PTPRD: variants seen among roughly 807,000 people sequenced by gnomAD.
PTPRD encodes the protein receptor-type tyrosine-protein phosphatase delta.
PTPRD carries 34 observed loss-of-function variants against 214.5 expected under a neutral mutation model. That is an observed-to-expected ratio of 0.16 (90% CI 0.12 to 0.21). The LOEUF (loss-of-function observed/expected upper bound fraction) is 0.21. PTPRD is among the 10% of genes least tolerant of loss of function. PTPRD has a pLI of 1.00. For synonymous variants in PTPRD, 1,128 were observed against 845.7 expected, an observed-to-expected ratio of 1.33 and a Z score of -5.79; for missense variants, 2,545 against 2,398.7, an observed-to-expected ratio of 1.06 and a Z score of -1.27.
chr9:8,853,239 ACAT>A (rs1429674866), intron 11 of PTPRD, among the ~76,000 whole-genome samples: 1 of 152,196 alleles, frequency 6.6e-6, no homozygotes, highest in African/African-American at 2.4e-5. Context: ...GACTGCTGTA[ACAT>A]ATAAGCATTT....
At chr9:9,782,243 A>T (rs1203282946) in intron 5 of PTPRD, among the ~76,000 whole-genome samples, 2 of 151,436 alleles carry the variant, frequency 1.3e-5, no homozygotes, top group Non-Finnish European at 2.9e-5. Context: ...CTCAGTAAAC[A>T]CTCCCTGGAT....
intron 8 of PTPRD, among the ~76,000 whole-genome samples, chr9:9,476,126 G>C (rs10977804): frequency 0.14 from 20,629 of 152,152 alleles, 1,429 homozygotes; most frequent in Middle Eastern, 0.25. Flanking sequence ...AACAGGCGTA[G>C]TGATATGTCT....
At chr9:8,726,038 C>CACACAA (rs973928554) in intron 12 of PTPRD, among the ~76,000 whole-genome samples, 5 of 147,528 alleles carry the variant, frequency 3.4e-5, no homozygotes, top group African/African-American at 1.3e-4. Flanking sequence ...CACACACACA[C>CACACAA]ACACACACAC....
intron 3 of PTPRD, among the ~76,000 whole-genome samples, chr9:10,327,089 C>A (rs1004868763): frequency 4.7e-5 from 7 of 150,468 alleles, no homozygotes; most frequent in Non-Finnish European, 8.9e-5. Context: ...AGACATTAAA[C>A]ATGCACATAT....
At chr9:10,486,135 C>G (rs558996791) in intron 2 of PTPRD, among the ~76,000 whole-genome samples, 1 of 151,858 alleles carries the variant, frequency 6.6e-6, no homozygotes, top group Non-Finnish European at 1.5e-5. Flanking sequence ...TGTAGGTTGC[C>G]TGTTCACTCT....
intron 11 of PTPRD, among the ~76,000 whole-genome samples, chr9:8,879,898 G>A (rs1006438106): frequency 6.6e-6 from 1 of 152,192 alleles, no homozygotes; most frequent in Non-Finnish European, 1.5e-5. Context: ...TGTAAGGAGA[G>A]AAGAGTGATC....
At chr9:8,836,681 C>T (rs1430686207) in intron 11 of PTPRD, among the ~76,000 whole-genome samples, 6 of 143,922 alleles carry the variant, frequency 4.2e-5, no homozygotes, top group African/African-American at 1.3e-4. Context: ...ACTGCAGCCT[C>T]TGCCTCCCAG....
At chr9:8,341,592 C>T (rs959441580) in intron 40 of PTPRD, 101 bp downstream of exon 40, 1 of 1,345,048 alleles carries the variant, frequency 7.4e-7, no homozygotes, top group African/African-American at 1.5e-5. Flanking sequence ...TCAAATGAAT[C>T]TTGTACTTCA....
chr9:10,250,394 C>G (rs879508008), intron 3 of PTPRD, among the ~76,000 whole-genome samples: 3 of 152,050 alleles, frequency 2.0e-5, no homozygotes, highest in Non-Finnish European at 2.9e-5. Context: ...CCTGCCAAGA[C>G]AAGATGTACT....
intron 2 of PTPRD, among the ~76,000 whole-genome samples, chr9:10,435,673 A>G (rs1008012511): frequency 1.3e-5 from 2 of 151,936 alleles, no homozygotes; most frequent in Non-Finnish European, 2.9e-5. Flanking sequence ...GGAAAAATGA[A>G]TATCTGGATG....
intron 2 of PTPRD, among the ~76,000 whole-genome samples, chr9:10,341,219 A>C (rs139134538): frequency 6.6e-6 from 1 of 151,952 alleles, no homozygotes; most frequent in Admixed American, 6.6e-5. Flanking sequence ...CAGCAGATTC[A>C]TGAAAAATTG....
At chr9:8,854,595 A>G (rs1324185502) in intron 11 of PTPRD, among the ~76,000 whole-genome samples, 1 of 152,214 alleles carries the variant, frequency 6.6e-6, no homozygotes, top group African/African-American at 2.4e-5. Context: ...GTTTAAGTAT[A>G]CTTGACCTCA....
chr9:9,878,578 A>G (rs2067611851), intron 5 of PTPRD, among the ~76,000 whole-genome samples: 1 of 152,140 alleles, frequency 6.6e-6, no homozygotes, highest in East Asian at 1.9e-4. Context: ...AAATGTTTAG[A>G]CCTATAAGAG....
chr9:8,395,881 T>A (rs1215636398), intron 36 of PTPRD, among the ~76,000 whole-genome samples: 1 of 152,010 alleles, frequency 6.6e-6, no homozygotes, highest in Non-Finnish European at 1.5e-5. Context: ...CAACATGAGT[T>A]GGGGAATTAC....
intron 12 of PTPRD, among the ~76,000 whole-genome samples, chr9:8,651,537 T>G (rs2096808499): frequency 6.6e-6 from 1 of 152,200 alleles, no homozygotes; most frequent in Non-Finnish European, 1.5e-5. Flanking sequence ...GAACACAGTG[T>G]AATGCAGTAA....
chr9:10,308,399 A>G (rs906790987), intron 3 of PTPRD, among the ~76,000 whole-genome samples: 1 of 151,846 alleles, frequency 6.6e-6, no homozygotes, highest in Non-Finnish European at 1.5e-5. Context: ...TCTTGGTTAT[A>G]TTTTCCATTC....
At chr9:10,503,203 AAAAAC>A (rs1301139775) in intron 2 of PTPRD, among the ~76,000 whole-genome samples, 11 of 133,912 alleles carry the variant, frequency 8.2e-5, no homozygotes, top group South Asian at 2.2e-4. Context: ...CAAAAAAAAA[AAAAAC>A]AAAAAAAAAC....
At chr9:9,130,188 A>G (rs1003888750) in intron 10 of PTPRD, among the ~76,000 whole-genome samples, 3 of 152,172 alleles carry the variant, frequency 2.0e-5, no homozygotes, top group African/African-American at 7.2e-5. Flanking sequence ...CAGAATAATG[A>G]GTGGTTTGAC....
chr9:9,913,249 A>T (rs1475486500), intron 5 of PTPRD, among the ~76,000 whole-genome samples: 6 of 152,226 alleles, frequency 3.9e-5, no homozygotes, highest in African/African-American at 1.4e-4. Context: ...ACTGAATATA[A>T]ATTTCCTTAA....
Sources: allele counts gnomAD v4.1 joint callset (sites outside exome capture counted in the v4.1 genomes callset), GRCh38; gene constraint gnomAD v4.1.1; transcripts MANE v1.5; gene names NCBI Gene and HGNC (gene_info 2026-07-23, HGNC 2026-07-21).